ZBTB20: variants seen among roughly 807,000 people sequenced by gnomAD.
ZBTB20 encodes the protein zinc finger and BTB domain containing 20.
A neutral mutation model predicts 56.9 loss-of-function variants in ZBTB20; 9 were observed. The observed-to-expected ratio is 0.16, with a 90% confidence interval of 0.10 to 0.28. The LOEUF (loss-of-function observed/expected upper bound fraction) is 0.28. Ranked by LOEUF, ZBTB20 falls within the 10% of genes least tolerant of loss-of-function variation. ZBTB20 has a pLI of 1.00. For synonymous variants in ZBTB20, 417 were observed against 420.7 expected, an observed-to-expected ratio of 0.99 and a Z score of 0.11; for missense variants, 655 against 1,003.0, an observed-to-expected ratio of 0.65 and a Z score of 4.69.
chr3:114,599,512 T>C (rs984331945), intron 6 of ZBTB20, among the ~76,000 whole-genome samples: 2 of 152,132 alleles, frequency 1.3e-5, no homozygotes, highest in African/African-American at 4.8e-5. Flanking sequence ...GGTATAACTG[T>C]TCATCTTTTA....
intron 6 of ZBTB20, among the ~76,000 whole-genome samples, chr3:114,639,650 G>C (rs997606133): frequency 6.6e-6 from 1 of 151,952 alleles, no homozygotes; most frequent in African/African-American, 2.4e-5. Flanking sequence ...TTTTAAGTTA[G>C]GTGGATGATA....
intron 3 of ZBTB20, among the ~76,000 whole-genome samples, chr3:114,937,829 G>A (rs189670971): frequency 6.6e-6 from 1 of 152,220 alleles, no homozygotes; most frequent in African/African-American, 2.4e-5. Context: ...CGGGCACGGT[G>A]GCTCACGCCT....
chr3:114,834,414 T>A (rs887542378), intron 4 of ZBTB20, among the ~76,000 whole-genome samples: 2 of 152,168 alleles, frequency 1.3e-5, no homozygotes, highest in African/African-American at 4.8e-5. Flanking sequence ...TCAGCTGTTA[T>A]CAGACAATAA....
intron 2 of ZBTB20, among the ~76,000 whole-genome samples, chr3:115,006,258 T>C (rs1002206372): frequency 6.6e-6 from 1 of 151,606 alleles, no homozygotes; most frequent in African/African-American, 2.4e-5. Context: ...GTTTGTTTGT[T>C]TGTTTATCAT....
rs111627841 is a variant in ZBTB20 at position 114,919,598 on chromosome 3, G to A, written c.-455-19256C>T. 4.9e-3 allele frequency among the ~76,000 whole-genome samples: 742 copies of A among 151,976 alleles called. 4 individuals are homozygous for A. Among genetic ancestry groups the A allele is most frequent in the African/African-American group, 0.017 (703 of 41,454 alleles). The stretch of plus-strand genomic sequence containing the variant: ...CAGGTACCTGCAATCCCAGCTACTC[G>A]GGAGGCTGAGGCAGGAGAATCACTT... On this transcript the variant is annotated intron_variant, in intron 3 of 11. Coordinates refer to ENST00000675478, the MANE Select transcript of ZBTB20 (RefSeq NM_001348800.3).
chr3:114,829,361 T>A (rs557991643), intron 4 of ZBTB20, among the ~76,000 whole-genome samples: 1 of 152,006 alleles, frequency 6.6e-6, no homozygotes, highest in East Asian at 1.9e-4. Context: ...CTCTCAAATA[T>A]ATTCAAGTTT....
intron 6 of ZBTB20, among the ~76,000 whole-genome samples, chr3:114,625,564 C>T (rs997464590): frequency 2.6e-5 from 4 of 151,868 alleles, no homozygotes; most frequent in Non-Finnish European, 5.9e-5. Flanking sequence ...CTGTATATAG[C>T]CTGTATGAAA....
At chr3:114,697,088 A>AG (rs2063081767) in intron 5 of ZBTB20, among the ~76,000 whole-genome samples, 1 of 46,338 alleles carries the variant, frequency 2.2e-5, no homozygotes. Flanking sequence ...AAGAAGAAAG[A>AG]GAAAAAAAGA....
At chr3:114,806,175 A>C (rs770412281) in intron 4 of ZBTB20, among the ~76,000 whole-genome samples, 1 of 151,902 alleles carries the variant, frequency 6.6e-6, no homozygotes, top group Non-Finnish European at 1.5e-5. Context: ...CTTCCAAACC[A>C]CTTTCCAAAG....
At chr3:114,458,172 C>T (rs59899704) in intron 7 of ZBTB20, among the ~76,000 whole-genome samples, 8,080 of 152,150 alleles carry the variant, frequency 0.053, 565 homozygotes, top group African/African-American at 0.16. Context: ...ACTTTGAGGA[C>T]AGTGTTAGCA....
At chr3:114,505,603 G>T (rs540261695) in intron 6 of ZBTB20, among the ~76,000 whole-genome samples, 6 of 152,118 alleles carry the variant, frequency 3.9e-5, no homozygotes, top group African/African-American at 1.4e-4. Context: ...AAGTTAGATG[G>T]GTTTATATGT....
chr3:114,339,212 G>A lies in ZBTB20; in HGVS notation c.2019C>T (p.His673=). 1 of 1,614,234 alleles carries A rather than the reference G, an allele frequency of 6.2e-7. No individual in the cohort carries two copies. The highest frequency in any genetic ancestry group is 1.6e-4 in the Middle Eastern group (1 of 6,062). ...CCACGTGTCGCTCCAGGAGGGTCTT[G>A]TGAGAGAACTTCTTTTTGCAGATGT... The part of the protein sequence containing the change: ...ECYICKKKFS[H]KTLLERHVAL... Residue 673 remains histidine (H), a synonymous_variant, in exon 12 of 12, where the codon CAC becomes CAT. Coordinates refer to ENST00000675478, the MANE Select transcript of ZBTB20 (RefSeq NM_001348800.3). This position sits in a 1 kb window ranked among gnomAD's most constrained non-coding sequence, Gnocchi z 4.2.
intron 6 of ZBTB20, chr3:114,502,757 T>TCTCCTTTCTTCCTTCCCTCCCTCC (rs2044152573): frequency 6.6e-6 from 1 of 151,662 alleles, no homozygotes; most frequent in Non-Finnish European, 1.5e-5. Context: ...TCCCTCCCTC[T>TCTCCTTTCTTCCTTCCCTCCCTCC]CTCCTTTCTT....
At chr3:114,450,064 T>C (rs2091506816) in intron 7 of ZBTB20, among the ~76,000 whole-genome samples, 1 of 152,222 alleles carries the variant, frequency 6.6e-6, no homozygotes, top group African/African-American at 2.4e-5. Flanking sequence ...AATTTACTTT[T>C]GCTCTATGAT....
chr3:114,884,221 G>T (rs933500193), intron 4 of ZBTB20, among the ~76,000 whole-genome samples: 1 of 152,056 alleles, frequency 6.6e-6, no homozygotes, highest in Non-Finnish European at 1.5e-5. Flanking sequence ...CACCGCGCCC[G>T]GCCGGTGTGT....
chr3:114,889,103 AAT>A (rs1276185601), intron 4 of ZBTB20, among the ~76,000 whole-genome samples: 2 of 151,984 alleles, frequency 1.3e-5, no homozygotes, highest in Admixed American at 1.3e-4. Flanking sequence ...ATTTTACACA[AAT>A]ATGAATGTGT....
intron 4 of ZBTB20, among the ~76,000 whole-genome samples, chr3:114,837,511 T>G (rs1353652322): frequency 6.6e-6 from 1 of 152,130 alleles, no homozygotes; most frequent in Non-Finnish European, 1.5e-5. Context: ...AGCTGTGGTT[T>G]CATCTGAATT....
intron 6 of ZBTB20, among the ~76,000 whole-genome samples, chr3:114,566,371 G>A (rs1165035436): frequency 2.6e-5 from 4 of 152,180 alleles, no homozygotes; most frequent in Non-Finnish European, 5.9e-5. Flanking sequence ...AGGATAAAGA[G>A]AAGGCACTGG....
At position 114,696,187 on chromosome 3, in the gene ZBTB20, C is replaced by T. The variant is rs556479624; in HGVS notation, c.-342-2612G>A. ...TTTTTATCTTGTGCACCAGATTTTT[C>T]CATACAAAGGAATTCTAAATTGCAA... On this transcript the variant is annotated intron_variant, in intron 5 of 11. Transcript: ENST00000675478. Among the ~76,000 whole-genome samples the T allele has an allele frequency of 2.6e-5, 4 of 152,068 alleles. No homozygotes were observed. In the South Asian group the frequency reaches 8.3e-4, roughly 32 times the overall value.
Sources: allele counts gnomAD v4.1 joint callset (sites outside exome capture counted in the v4.1 genomes callset), GRCh38; gene constraint gnomAD v4.1.1; non-coding constraint Gnocchi (gnomAD v3.1); transcripts MANE v1.5; gene names NCBI Gene and HGNC (gene_info 2026-07-23, HGNC 2026-07-21).